The following PFKFB3 variants were observed in gnomAD, a reference collection of about 807,000 sequenced individuals.
PFKFB3 encodes 6-phosphofructo-2-kinase/fructose-2,6-bisphosphatase 3.
PFKFB3 carries 33 observed loss-of-function variants against 68.0 expected under a neutral mutation model. That is an observed-to-expected ratio of 0.49 (90% confidence interval 0.37 to 0.65). The LOEUF (loss-of-function observed/expected upper bound fraction) is 0.65. Ranked by LOEUF, PFKFB3 falls within the 30% of genes least tolerant of loss-of-function variation. The pLI, the probability that PFKFB3 is intolerant of heterozygous loss-of-function variation, is 0.00. For missense variants in PFKFB3, 586 were observed against 712.2 expected, an observed-to-expected ratio of 0.82 and a Z score of 2.02; for synonymous variants, 315 against 288.2, an observed-to-expected ratio of 1.09 and a Z score of -0.94.
intron 1 of PFKFB3, among the ~76,000 whole-genome samples, chr10:6,155,609 G>T (rs1480326896): frequency 6.6e-6 from 1 of 152,008 alleles, no homozygotes; most frequent in Non-Finnish European, 1.5e-5. Context: ...CACTGTAAGG[G>T]GGAAGCATGG....
chr10:6,226,526 C>T, intron 14 of PFKFB3, 161 bp downstream of exon 14: 1 of 624,918 alleles, frequency 1.6e-6, no homozygotes, highest in East Asian at 3.1e-5. Context: ...GTTGTGGGGG[C>T]ATGTGCACAC....
At chr10:6,160,718 CAAA>C (rs538580465) in intron 1 of PFKFB3, among the ~76,000 whole-genome samples, 10 of 78,660 alleles carry the variant, frequency 1.3e-4, no homozygotes, top group East Asian at 1.1e-3. Flanking sequence ...GACTCTGTCT[CAAA>C]AAAAAAAAAA....
At chr10:6,204,674 T>C (rs749057375) in intron 1 of PFKFB3, among the ~76,000 whole-genome samples, 3 of 152,236 alleles carry the variant, frequency 2.0e-5, no homozygotes, top group Admixed American at 6.5e-5. Flanking sequence ...CCCAGTCAGA[T>C]GCGCTTGAAC....
chr10:6,263,059 A>G, the PFKFB3 span, among the ~76,000 whole-genome samples: 1 of 152,246 alleles, frequency 6.6e-6, no homozygotes, highest in African/African-American at 2.4e-5. Flanking sequence ...GTGAAGTTGA[A>G]GTGGGAAATT....
chr10:6,145,614 C>T (rs1841361430), intron 1 of PFKFB3, among the ~76,000 whole-genome samples: 1 of 152,184 alleles, frequency 6.6e-6, no homozygotes, highest in African/African-American at 2.4e-5. Flanking sequence ...GCCTGAGTCC[C>T]ACCTTTGCCC....
At chr10:6,157,231 TTC>T (rs1491209004) in intron 1 of PFKFB3, among the ~76,000 whole-genome samples, 1,522 of 120,156 alleles carry the variant, frequency 0.013, 56 homozygotes, top group Admixed American at 0.076. Context: ...TAGTTGTGTC[TTC>T]TTTTTTTTTT....
At chr10:6,168,925 C>T (rs75943395) in intron 1 of PFKFB3, among the ~76,000 whole-genome samples, 1 of 152,146 alleles carries the variant, frequency 6.6e-6, no homozygotes, top group Non-Finnish European at 1.5e-5. Flanking sequence ...CTCCCGTCTG[C>T]CCCCCGAAAA....
chr10:6,182,411 T>C (rs1033159406), intron 1 of PFKFB3, among the ~76,000 whole-genome samples: 9 of 151,876 alleles, frequency 5.9e-5, no homozygotes, highest in Non-Finnish European at 8.8e-5. Context: ...TAATCTGGAG[T>C]GGAGGCTGGG....
chr10:6,196,663 T>C (rs1156350919), intron 1 of PFKFB3, among the ~76,000 whole-genome samples: 1 of 152,102 alleles, frequency 6.6e-6, no homozygotes, highest in African/African-American at 2.4e-5. Context: ...CTGCTTTTGT[T>C]CGGGCCCTGC....
chr10:6,145,024 C>A (rs1841329659), intron 1 of PFKFB3: 2 of 1,334,962 alleles, frequency 1.5e-6, no homozygotes, highest in Non-Finnish European at 1.9e-6. Flanking sequence ...GTAGGAGTCC[C>A]GGTGACGCGG....
chr10:6,195,329 ATC>A (rs1843148703), intron 1 of PFKFB3, among the ~76,000 whole-genome samples: 1 of 152,190 alleles, frequency 6.6e-6, no homozygotes, highest in Non-Finnish European at 1.5e-5. Context: ...CATCGGGTTT[ATC>A]TGGGCCTCAC....
chr10:6,213,537 T>A, intron 1 of PFKFB3, 86 bp from the exon 2 acceptor site: 1 of 1,457,652 alleles, frequency 6.9e-7, no homozygotes. Flanking sequence ...TTGGTGAAAT[T>A]CTTCAGTGTT....
chr10:6,314,906 G>A, the PFKFB3 span, among the ~76,000 whole-genome samples: 24,355 of 151,950 alleles, frequency 0.16, 3,026 homozygotes, highest in East Asian at 0.68. Flanking sequence ...ATTTTTATCC[G>A]TCCCAGGAAA....
chr10:6,145,060 C>T, intron 1 of PFKFB3: 1 of 1,294,322 alleles, frequency 7.7e-7, no homozygotes, highest in Non-Finnish European at 9.8e-7. Flanking sequence ...CGCGCGGGGA[C>T]CTGAGCGGCC....
intron 14 of PFKFB3, among the ~76,000 whole-genome samples, chr10:6,247,520 G>C (rs955254000): frequency 6.6e-6 from 1 of 152,196 alleles, no homozygotes; most frequent in African/African-American, 2.4e-5. Context: ...CATCCAATCG[G>C]TTCAAGAGTT....
the PFKFB3 span, among the ~76,000 whole-genome samples, chr10:6,274,628 C>T: frequency 6.6e-6 from 1 of 151,994 alleles, no homozygotes; most frequent in Non-Finnish European, 1.5e-5. Flanking sequence ...AGGAGAATTG[C>T]TTAAGCCCGG....
chr10:6,213,289 C>G (rs748772597), intron 1 of PFKFB3, among the ~76,000 whole-genome samples: 2 of 152,126 alleles, frequency 1.3e-5, no homozygotes, highest in Admixed American at 6.5e-5. Context: ...TCCCAGCACT[C>G]TGGGAGGATT....
intron 1 of PFKFB3, among the ~76,000 whole-genome samples, chr10:6,210,342 T>TTTTTTTTTG: frequency 2.6e-5 from 1 of 37,872 alleles, no homozygotes; most frequent in African/African-American, 5.3e-5. Flanking sequence ...CTTTGTTTTT[T>TTTTTTTTTG]TTTGTTTTTT....
In PFKFB3 at chr10:6,229,249, T is replaced by C; in HGVS notation, c.1515+2884T>C. The C allele has an allele frequency of 2.1e-6, 1 of 472,310 alleles. No homozygotes were observed. Among genetic ancestry groups the C allele is most frequent in the Non-Finnish European group, 4.4e-6 (1 of 226,868 alleles). The allele number at this position is 472,310 out of a possible 1,614,324, so 29.3% of individuals were successfully genotyped here. A position where few individuals can be genotyped will look rare whatever the true frequency, so the allele number is the denominator to read the frequency against. Reference sequence around the variant, plus strand: ...CCAGAGGATGTACCAGTGTCCTCCATGTCCACGTTCCTTAAGACCACCCTG... The same window carrying C: ...CCAGAGGATGTACCAGTGTCCTCCACGTCCACGTTCCTTAAGACCACCCTG... On this transcript the variant is annotated intron_variant, in intron 14 of 14. Transcript: ENST00000379775. The surrounding 1 kb of genome is among the most constrained non-coding windows in gnomAD (Gnocchi z 4.3).
Sources: gnomAD v4.1 joint callset for allele counts (sites outside exome capture counted in the v4.1 genomes callset) on GRCh38, gnomAD v4.1.1 for gene constraint, Gnocchi (gnomAD v3.1) non-coding constraint, MANE v1.5 for transcripts, NCBI Gene and HGNC (gene_info 2026-07-23, HGNC 2026-07-21) for gene names.